Variants in MIR2052HG observed in about 807,000 individuals in gnomAD.
The protein encoded by MIR2052HG is MIR2052 host gene.
chr8:74,707,386 A>G (rs139743852), intron 4 of MIR2052HG, among the ~76,000 whole-genome samples: 120 of 152,278 alleles, frequency 7.9e-4, no homozygotes, highest in Admixed American at 1.4e-3. Flanking sequence ...TAAAATACAT[A>G]CAAGCAATTA....
intron 5 of MIR2052HG, chr8:74,757,615 T>A (rs1240725227): frequency 6.6e-6 from 1 of 152,262 alleles, no homozygotes; most frequent in Admixed American, 6.5e-5. Context: ...TTAAATCATT[T>A]GCCAAAGTCA....
intron 4 of MIR2052HG, among the ~76,000 whole-genome samples, chr8:74,718,043 G>T (rs1238936324): frequency 6.6e-6 from 1 of 151,978 alleles, no homozygotes; most frequent in Non-Finnish European, 1.5e-5. Flanking sequence ...GTTAAGTGTA[G>T]CAATATATGT....
rs140273222 is a variant in MIR2052HG at position 74,605,011 on chromosome 8, A to G, written n.128+5103A>G. 9.2e-5 allele frequency among the ~76,000 whole-genome samples: 14 copies of G among 152,310 alleles called. No individual in the cohort carries two copies. In the East Asian group the frequency reaches 2.1e-3, roughly 23 times the overall value. On this transcript the variant is annotated intron_variant and non_coding_transcript_variant, in intron 1 of 6. Coordinates refer to ENST00000523442, the Ensembl canonical transcript of MIR2052HG. ...TCTGGATCAGAATGGCTTTCTGGTA[A>G]CAAAATGACTGATTGTTTTTTGTCA...
At chr8:74,756,930 G>A (rs912867591) in intron 5 of MIR2052HG, 2 of 152,224 alleles carry the variant, frequency 1.3e-5, no homozygotes, top group Non-Finnish European at 2.9e-5. Context: ...TGGTCCTGGA[G>A]TGGATGAAAT....
At chr8:74,683,816 C>G (rs1809151098) in intron 2 of MIR2052HG, among the ~76,000 whole-genome samples, 2 of 152,054 alleles carry the variant, frequency 1.3e-5, no homozygotes, top group Admixed American at 1.3e-4. Context: ...TAACTTGTGG[C>G]TGGTTCTAGC....
intron 4 of MIR2052HG, among the ~76,000 whole-genome samples, chr8:74,750,792 T>C (rs566712292): frequency 5.3e-5 from 8 of 152,312 alleles, no homozygotes; most frequent in East Asian, 1.9e-4. Flanking sequence ...GAGTCGATAA[T>C]ACATTTGTTA....
intron 1 of MIR2052HG, among the ~76,000 whole-genome samples, chr8:74,611,590 C>G (rs1808196275): frequency 1.3e-5 from 2 of 152,144 alleles, no homozygotes; most frequent in Non-Finnish European, 2.9e-5. Flanking sequence ...CAGAAAGTCT[C>G]TCATAAATAG....
chr8:74,608,215 A>G (rs1808140455), intron 1 of MIR2052HG, among the ~76,000 whole-genome samples: 2 of 150,876 alleles, frequency 1.3e-5, no homozygotes, highest in Admixed American at 1.3e-4. Context: ...TTCTAAGCAC[A>G]TAATTAGATG....
At chr8:74,722,641 T>C (rs1044046574) in intron 4 of MIR2052HG, among the ~76,000 whole-genome samples, 3 of 152,228 alleles carry the variant, frequency 2.0e-5, no homozygotes, top group Admixed American at 1.3e-4. Flanking sequence ...TATAGACTTA[T>C]GGACTCTTGA....
chr8:74,722,091 C>T (rs529620484), intron 4 of MIR2052HG, among the ~76,000 whole-genome samples: 2 of 152,158 alleles, frequency 1.3e-5, no homozygotes, highest in Non-Finnish European at 2.9e-5. Flanking sequence ...TTGGGAGGAT[C>T]GCTTGATCCT....
At chr8:74,738,656 T>A (rs1809795463) in intron 4 of MIR2052HG, among the ~76,000 whole-genome samples, 1 of 152,184 alleles carries the variant, frequency 6.6e-6, no homozygotes, top group African/African-American at 2.4e-5. Flanking sequence ...AAAAATCACA[T>A]TAACAGTTTT....
At chr8:74,756,151 T>G (rs1336585180) in intron 5 of MIR2052HG, among the ~76,000 whole-genome samples, 1 of 152,160 alleles carries the variant, frequency 6.6e-6, no homozygotes, top group Non-Finnish European at 1.5e-5. Context: ...TAATTAGAAT[T>G]ATAGTTTCAT....
At chr8:74,661,323 C>T (rs1318240304) in intron 2 of MIR2052HG, among the ~76,000 whole-genome samples, 11 of 152,018 alleles carry the variant, frequency 7.2e-5, no homozygotes, top group Non-Finnish European at 4.4e-5. Context: ...CTGCCTCAGC[C>T]TCCCGAGTAG....
At chr8:74,614,218 G>T (rs1401593274) in intron 2 of MIR2052HG, among the ~76,000 whole-genome samples, 1 of 152,130 alleles carries the variant, frequency 6.6e-6, no homozygotes, top group Non-Finnish European at 1.5e-5. Flanking sequence ...CACCTACTAG[G>T]TTCAGTATTT....
intron 1 of MIR2052HG, among the ~76,000 whole-genome samples, chr8:74,610,916 T>C (rs1385800454): frequency 6.6e-6 from 1 of 151,914 alleles, no homozygotes; most frequent in Admixed American, 6.6e-5. Context: ...ACATAGGAAA[T>C]TGGATTAAGT....
rs563949313 is a variant in MIR2052HG, at chr8:74,675,196, A to T, written n.217-27183A>T. ...GACAGACTGTAAGCAAACAGAAGATAATGGATGGTGGTAAGTATTATTGGC... is the reference window on the plus strand; with the variant it reads ...GACAGACTGTAAGCAAACAGAAGATTATGGATGGTGGTAAGTATTATTGGC... On this transcript the variant is annotated intron_variant and non_coding_transcript_variant, in intron 2 of 6. Transcript: ENST00000523442. Among the ~76,000 whole-genome samples, 3 of 152,124 alleles carry T rather than the reference A, an allele frequency of 2.0e-5. No homozygotes were observed. The South Asian group carries it at 6.2e-4, about 32-fold the overall frequency.
chr8:74,625,343 T>C (rs10957734), intron 2 of MIR2052HG: 143,046 of 152,314 alleles, frequency 0.94, 67,431 homozygotes, highest in African/African-American at 0.99. Context: ...GCATTACAGG[T>C]ATGAGCCACA....
chr8:74,638,065 T>TTACTTACAATGGGA (rs1808601606), intron 2 of MIR2052HG, among the ~76,000 whole-genome samples: 1 of 152,144 alleles, frequency 6.6e-6, no homozygotes, highest in African/African-American at 2.4e-5. Flanking sequence ...ATTATAGGGA[T>TTACTTACAATGGGA]ATTACTTACA....
intron 2 of MIR2052HG, among the ~76,000 whole-genome samples, chr8:74,617,833 G>A (rs1808306956): frequency 6.6e-6 from 1 of 152,132 alleles, no homozygotes; most frequent in South Asian, 2.1e-4. Context: ...CAGTGCATAA[G>A]CATTCCATTT....
Sources: gnomAD v4.1 joint callset for allele counts (sites outside exome capture counted in the v4.1 genomes callset) on GRCh38, gnomAD v4.1.1 for gene constraint, MANE v1.5 for transcripts, NCBI Gene and HGNC (gene_info 2026-07-23, HGNC 2026-07-21) for gene names.